The following CSMD3 variants were observed in gnomAD, a reference collection of about 807,000 sequenced individuals.
CSMD3 encodes CUB and Sushi multiple domains 3, also known as CUB and sushi domain-containing protein 3.
Under a neutral mutation model 435.2 loss-of-function variants are expected in CSMD3, and 177 were observed. The ratio of observed to expected loss-of-function variants is 0.41; its 90% CI spans 0.36 to 0.46. The LOEUF (loss-of-function observed/expected upper bound fraction) is 0.46. Among genes scored for constraint, CSMD3 ranks in the 20% least tolerant of loss-of-function variants. The pLI is 0.34. For synonymous variants in CSMD3, 1,656 were observed against 1,520.5 expected (o/e 1.09, Z -2.07); for missense variants, 4,265 against 4,504.6 (o/e 0.95, Z 1.52).
rs184253441 is a variant in CSMD3, at chr8:112,433,370, A to C, written c.5396-24338T>G. ...TCTAATTGTTACCTTTAAAAAAAAA[A>C]ACACAGCAGGGCAGGTGGCTCATGC... On this transcript the variant is annotated intron_variant, in intron 32 of 70. Coordinates refer to ENST00000297405, the MANE Select transcript of CSMD3 (RefSeq NM_198123.2). 1.6e-4 allele frequency among the ~76,000 whole-genome samples: 24 copies of C among 151,990 alleles called. No individual in the cohort carries two copies. The East Asian group carries it at 3.5e-3, about 22-fold the overall frequency.
At chr8:112,941,481 T>A (rs1034402350) in intron 9 of CSMD3, among the ~76,000 whole-genome samples, 2 of 151,778 alleles carry the variant, frequency 1.3e-5, no homozygotes, top group African/African-American at 4.8e-5. Context: ...TTTCTAAAAA[T>A]GTGTAAATAA....
At chr8:112,892,725 G>A (rs1487123477) in intron 10 of CSMD3, among the ~76,000 whole-genome samples, 1 of 151,426 alleles carries the variant, frequency 6.6e-6, no homozygotes, top group Non-Finnish European at 1.5e-5. Context: ...TCTCAGAGAG[G>A]ACTTCCCTGG....
chr8:112,656,103 A>G, intron 18 of CSMD3, 51 bp downstream of exon 18: 1 of 1,003,656 alleles, frequency 1.0e-6, no homozygotes. Context: ...TAATAATACA[A>G]AAAGTAGGGC....
rs553239552 is a variant in CSMD3, at chr8:112,644,656, A to G, written c.3310+453T>C. On this transcript the variant is annotated intron_variant, in intron 20 of 70. Coordinates refer to ENST00000297405, the MANE Select transcript of CSMD3 (RefSeq NM_198123.2). Reference sequence around the variant, plus strand: ...ACACAGATATTTATAGAATGGCTATAAATTTATATAGAGAATATAATTGTT... The same window carrying G: ...ACACAGATATTTATAGAATGGCTATGAATTTATATAGAGAATATAATTGTT... Among the ~76,000 whole-genome samples, 4 of 152,226 alleles carry G rather than the reference A, an allele frequency of 2.6e-5. No individual in the cohort carries two copies. The South Asian group carries it at 8.3e-4, about 32-fold the overall frequency.
At chr8:112,685,974 A>T in intron 14 of CSMD3, among the ~76,000 whole-genome samples, 1 of 131,966 alleles carries the variant, frequency 7.6e-6, no homozygotes, top group South Asian at 2.3e-4. Context: ...GAATAATAGC[A>T]ATTTTTTGAC....
chr8:112,845,859 G>A (rs1355896514), intron 11 of CSMD3, among the ~76,000 whole-genome samples: 2 of 151,884 alleles, frequency 1.3e-5, no homozygotes, highest in African/African-American at 2.4e-5. Flanking sequence ...GATATGTGAA[G>A]GAAAAGGGGA....
At chr8:112,860,696 C>T (rs535249422) in intron 10 of CSMD3, among the ~76,000 whole-genome samples, 2 of 151,786 alleles carry the variant, frequency 1.3e-5, no homozygotes, top group East Asian at 3.9e-4. Flanking sequence ...TATTGATTAG[C>T]TTTGTTTGAA....
chr8:112,622,876 A>T (rs1444613832), intron 22 of CSMD3, among the ~76,000 whole-genome samples: 1 of 152,138 alleles, frequency 6.6e-6, no homozygotes. Context: ...CAACATACTT[A>T]ATAAATTTTC....
chr8:113,020,160 A>G (rs2086635347), intron 5 of CSMD3, among the ~76,000 whole-genome samples: 2 of 119,388 alleles, frequency 1.7e-5, no homozygotes, highest in South Asian at 3.0e-4. Flanking sequence ...ACAGAGCGAG[A>G]CTCCGTCTCA....
chr8:112,446,474 T>C (rs1433320824), intron 32 of CSMD3, among the ~76,000 whole-genome samples: 1 of 152,192 alleles, frequency 6.6e-6, no homozygotes, highest in Non-Finnish European at 1.5e-5. Context: ...TGAAAGCAGT[T>C]CACACTTTAA....
intron 3 of CSMD3, among the ~76,000 whole-genome samples, chr8:113,256,308 C>T (rs62519852): frequency 0.3 from 45,994 of 151,986 alleles, 8,065 homozygotes; most frequent in East Asian, 0.7. Flanking sequence ...ACTTAAGATA[C>T]ATTTTAAAAA....
At chr8:112,393,685 T>G (rs143867640) in intron 35 of CSMD3, among the ~76,000 whole-genome samples, 1 of 152,296 alleles carries the variant, frequency 6.6e-6, no homozygotes, top group Non-Finnish European at 1.5e-5. Flanking sequence ...ACTTTTGTCC[T>G]CACTACTCTG....
At chr8:113,094,598 T>A (rs1291972100) in intron 5 of CSMD3, among the ~76,000 whole-genome samples, 1 of 152,206 alleles carries the variant, frequency 6.6e-6, no homozygotes, top group Non-Finnish European at 1.5e-5. Context: ...ATTTATTCTA[T>A]CAAATCATGT....
chr8:113,199,641 G>A, intron 3 of CSMD3, among the ~76,000 whole-genome samples: 1 of 151,452 alleles, frequency 6.6e-6, no homozygotes, highest in South Asian at 2.1e-4. Context: ...ATGGAGGATG[G>A]GAAAATAGAG....
chr8:113,359,071 C>A (rs1299844827), intron 1 of CSMD3, among the ~76,000 whole-genome samples: 1 of 151,990 alleles, frequency 6.6e-6, no homozygotes, highest in Non-Finnish European at 1.5e-5. Flanking sequence ...TGAATATAGT[C>A]CCCTGAAATC....
chr8:113,121,368 T>C (rs2090980390), intron 4 of CSMD3, among the ~76,000 whole-genome samples: 1 of 152,138 alleles, frequency 6.6e-6, no homozygotes, highest in African/African-American at 2.4e-5. Context: ...ATTATGTGCT[T>C]CTGAGTGTAC....
intron 3 of CSMD3, among the ~76,000 whole-genome samples, chr8:113,219,787 T>C (rs1251811592): frequency 6.6e-6 from 1 of 151,384 alleles, no homozygotes; most frequent in African/African-American, 2.4e-5. Flanking sequence ...AAAATATGTA[T>C]ACATTTGACC....
At chr8:112,653,610 T>A (rs756618715) in intron 18 of CSMD3, among the ~76,000 whole-genome samples, 1 of 151,866 alleles carries the variant, frequency 6.6e-6, no homozygotes, top group African/African-American at 2.4e-5. Context: ...TAAAGTCTAC[T>A]CTATGTTGTT....
intron 5 of CSMD3, among the ~76,000 whole-genome samples, chr8:113,094,480 T>C (rs1178885132): frequency 1.3e-5 from 2 of 152,160 alleles, no homozygotes; most frequent in African/African-American, 4.8e-5. Context: ...TTTTTCAATG[T>C]CTGGTAGGTG....
Sources: gnomAD v4.1 joint callset for allele counts (sites outside exome capture counted in the v4.1 genomes callset) on GRCh38, gnomAD v4.1.1 for gene constraint, MANE v1.5 for transcripts, NCBI Gene and HGNC (gene_info 2026-07-23, HGNC 2026-07-21) for gene names.